Variants in FGD5 observed in about 807,000 individuals in gnomAD.
The protein encoded by FGD5 is FYVE, RhoGEF and PH domain-containing protein 5.
A neutral mutation model predicts 133.4 loss-of-function variants in FGD5; 28 were observed. The observed-to-expected ratio is 0.21, with a 90% CI of 0.16 to 0.29. The LOEUF is 0.29. Ranked by LOEUF, FGD5 falls within the 10% of genes least tolerant of loss-of-function variation. The pLI is 1.00. For synonymous variants in FGD5, 810 were observed against 776.5 expected (o/e 1.04, Z -0.72); for missense variants, 1,858 against 1,895.2 (o/e 0.98, Z 0.36).
At chr3:14,910,103 A>T (rs1486540494) in intron 10 of FGD5, among the ~76,000 whole-genome samples, 1 of 152,192 alleles carries the variant, frequency 6.6e-6, no homozygotes, top group East Asian at 1.9e-4. Flanking sequence ...TTGCAAAAAA[A>T]TAAAAATAAA....
In FGD5 at chr3:14,820,038, G is replaced by C. The variant is rs2036451938; in HGVS notation, c.967G>C (p.Glu323Gln). The C allele has an allele frequency of 8.7e-6, 14 of 1,614,046 alleles. No individual in the cohort carries two copies. Among genetic ancestry groups the C allele is most frequent in the Middle Eastern group, 3.3e-4 (2 of 6,062 alleles). ...CCATGCACAGGATGAGTCCGCCGAG[G>C]AGAGCTGCCAGATTGTCCCTTTTGA... ...EDHAQDESAE[E>Q]SCQIVPFEND... Residue 323 changes from glutamate (E) to glutamine (Q), a missense_variant, in exon 1 of 20, where the codon GAG becomes CAG. This residue lies in a region of FGD5 where 1,824 missense variants were observed against 1,848.9 expected (regional missense o/e 0.99). Coordinates refer to ENST00000285046, the MANE Select transcript of FGD5 (RefSeq NM_152536.4).
At chr3:14,929,502 C>G (rs764775257) in intron 18 of FGD5, among the ~76,000 whole-genome samples, 1 of 152,234 alleles carries the variant, frequency 6.6e-6, no homozygotes, top group Non-Finnish European at 1.5e-5. Context: ...CACATCATTG[C>G]TAACACTTGG....
chr3:14,877,627 C>T (rs999355467), intron 2 of FGD5, among the ~76,000 whole-genome samples: 1 of 152,208 alleles, frequency 6.6e-6, no homozygotes, highest in African/African-American at 2.4e-5. Flanking sequence ...GGCATCTTGA[C>T]TTCCAGCATA....
At chr3:14,811,100 C>A (rs557973370) in intron 1 of FGD5, among the ~76,000 whole-genome samples, 83 of 152,234 alleles carry the variant, frequency 5.5e-4, no homozygotes, top group African/African-American at 1.9e-3. Context: ...TCAGCCTTGG[C>A]GAGGCCGCGC....
intron 2 of FGD5, among the ~76,000 whole-genome samples, chr3:14,871,276 G>T (rs748331196): frequency 2.6e-5 from 4 of 152,174 alleles, no homozygotes; most frequent in Non-Finnish European, 5.9e-5. Flanking sequence ...TCATGGGTGC[G>T]TCCTTGCTGC....
In FGD5 at chr3:14,821,489, T is replaced by G. The variant is rs746727861; in HGVS notation, c.2418T>G (p.Asp806Glu). 1 of 1,613,986 alleles carries G rather than the reference T, an allele frequency of 6.2e-7. No homozygotes were observed. Among genetic ancestry groups the G allele is most frequent in the Admixed American group, 1.7e-5 (1 of 60,034 alleles). The change falls in exon 1 of 20, where the codon GAT becomes GAG. Residue 806 changes from aspartate (D) to glutamate (E), a missense_variant. This residue lies in a region of FGD5 where 1,824 missense variants were observed against 1,848.9 expected (regional missense o/e 0.99). Transcript: ENST00000285046. ...RAGAFTKLFE[D>E]QSRALSTANE... Reference sequence around the variant, plus strand: ...GCGCGTTCACGAAGCTGTTTGAAGATCAGAGCAGAGCCCTGTCCACAGCAA... The same window carrying G: ...GCGCGTTCACGAAGCTGTTTGAAGAGCAGAGCAGAGCCCTGTCCACAGCAA...
intron 1 of FGD5, among the ~76,000 whole-genome samples, chr3:14,830,776 A>G (rs1417531261): frequency 1.3e-5 from 2 of 152,128 alleles, no homozygotes; most frequent in Non-Finnish European, 2.9e-5. Context: ...CATGCAGCCA[A>G]AGAGGAGAGT....
intron 11 of FGD5, among the ~76,000 whole-genome samples, chr3:14,914,353 CT>C (rs1252970268): frequency 2.6e-5 from 4 of 152,346 alleles, no homozygotes; most frequent in Admixed American, 6.5e-5. Flanking sequence ...GGGCTGCCCC[CT>C]GGTGGCTTCT....
chr3:14,931,628 T>A (rs1459899784), intron 18 of FGD5: 1 of 152,256 alleles, frequency 6.6e-6, no homozygotes, highest in Admixed American at 6.5e-5. Flanking sequence ...TAACTGTGTA[T>A]AAAAATGTCT....
At chr3:14,864,488 T>C (rs2037457651) in intron 2 of FGD5, among the ~76,000 whole-genome samples, 1 of 152,062 alleles carries the variant, frequency 6.6e-6, no homozygotes, top group Non-Finnish European at 1.5e-5. Context: ...TTCTCTGGAG[T>C]CTGATGAAGT....
At chr3:14,838,350 C>T (rs546171156) in intron 1 of FGD5, among the ~76,000 whole-genome samples, 3 of 152,160 alleles carry the variant, frequency 2.0e-5, no homozygotes, top group South Asian at 4.2e-4. Flanking sequence ...GGGTAATCTC[C>T]ACGTTATAAC....
chr3:14,864,855 A>G (rs1438199665), intron 2 of FGD5, among the ~76,000 whole-genome samples: 3 of 152,094 alleles, frequency 2.0e-5, no homozygotes, highest in South Asian at 2.1e-4. Flanking sequence ...TACACTCTCT[A>G]TTGGACACTC....
At chr3:14,928,240 A>T (rs1575266991) in intron 18 of FGD5, among the ~76,000 whole-genome samples, 3 of 151,454 alleles carry the variant, frequency 2.0e-5, no homozygotes, top group Admixed American at 6.6e-5. Flanking sequence ...CACCTGGCCA[A>T]TTTTTTTATT....
intron 2 of FGD5, 119 bp downstream of exon 2, chr3:14,864,379 C>A: frequency 6.7e-7 from 1 of 1,501,510 alleles, no homozygotes; most frequent in Non-Finnish European, 9.1e-7. Context: ...CTGGCCCCAG[C>A]TGGATGCAGG....
intron 4 of FGD5, among the ~76,000 whole-genome samples, chr3:14,894,183 C>A (rs1459648234): frequency 6.6e-6 from 1 of 152,148 alleles, no homozygotes; most frequent in African/African-American, 2.4e-5. Flanking sequence ...TTTTAGCTAC[C>A]ACATATGAGT....
chr3:14,903,435 G>A, intron 9 of FGD5, among the ~76,000 whole-genome samples: 1 of 151,322 alleles, frequency 6.6e-6, no homozygotes. Context: ...CATGTGCCAT[G>A]CTGGTGCGCT....
At chr3:14,878,469 C>G (rs1310066555) in intron 2 of FGD5, among the ~76,000 whole-genome samples, 2 of 152,084 alleles carry the variant, frequency 1.3e-5, no homozygotes, top group African/African-American at 4.8e-5. Flanking sequence ...TTCCTGGCAC[C>G]ACCTCAGTGA....
chr3:14,844,220 ATATATATATATATATAT>A lies in FGD5; in HGVS notation c.2526-19907_2526-19891del, dbSNP rs2036993615. Among the ~76,000 whole-genome samples, 89 of 16,354 alleles carry A rather than the reference ATATATATATATATATAT, an allele frequency of 5.4e-3. 10 individuals are homozygous for A. The highest frequency in any genetic ancestry group is 0.036 in the South Asian group (11 of 308). 10.7% of individuals were successfully genotyped at this position (16,354 alleles called of 152,430 possible). A position where few individuals can be genotyped will look rare whatever the true frequency, so the allele number is the denominator to read the frequency against. ...AATAGGCATTAAAAAAAAAAAAAAT[ATATATATATATATATAT>A]ATATATATATATATATATATATATA... On this transcript the variant is annotated intron_variant, in intron 1 of 19. Transcript: ENST00000285046.
At chr3:14,817,356 C>T (rs932298000), upstream of FGD5, among the ~76,000 whole-genome samples, 13 of 152,080 alleles carry the variant, frequency 8.5e-5, no homozygotes, top group Admixed American at 4.6e-4. Context: ...CCACCACACC[C>T]GGCTAATTTT....
Sources: allele counts gnomAD v4.1 joint callset (sites outside exome capture counted in the v4.1 genomes callset), GRCh38; gene constraint gnomAD v4.1.1; regional missense constraint gnomAD v4.1.1; transcripts MANE v1.5; gene names NCBI Gene and HGNC (gene_info 2026-07-23, HGNC 2026-07-21).